LYPLAL1: variants seen among roughly 807,000 people sequenced by gnomAD.
LYPLAL1 encodes the protein lysophospholipase like 1, also known as lysophospholipase-like protein 1.
Under a neutral mutation model 19.7 loss-of-function variants are expected in LYPLAL1, and 23 were observed. The ratio of observed to expected loss-of-function variants is 1.17; its 90% CI spans 0.84 to 1.65. The LOEUF is 1.65. Ranked by LOEUF, LYPLAL1 falls within the 40% of genes most tolerant of loss-of-function variation. The pLI, the probability that LYPLAL1 is intolerant of heterozygous loss-of-function variation, is 0.00. For missense variants in LYPLAL1, 355 were observed against 279.4 expected, an observed-to-expected ratio of 1.27 and a Z score of -1.93; for synonymous variants, 119 against 96.3, an observed-to-expected ratio of 1.24 and a Z score of -1.38.
the LYPLAL1 span, among the ~76,000 whole-genome samples, chr1:219,295,384 A>C: frequency 6.6e-6 from 1 of 152,140 alleles, no homozygotes; most frequent in African/African-American, 2.4e-5. Context: ...TGTCATTGTA[A>C]ATTTGTCTTG....
the LYPLAL1 span, among the ~76,000 whole-genome samples, chr1:219,227,390 A>G: frequency 6.6e-6 from 1 of 152,152 alleles, no homozygotes. Context: ...CCTGGCTAAT[A>G]TTTCTTAGTT....
At chr1:219,317,506 CA>C in the LYPLAL1 span, among the ~76,000 whole-genome samples, 1 of 151,324 alleles carries the variant, frequency 6.6e-6, no homozygotes, top group Admixed American at 6.6e-5. Flanking sequence ...TGTTCCCAAA[CA>C]AAAAAGGGCT....
intron 2 of LYPLAL1, among the ~76,000 whole-genome samples, chr1:219,192,001 A>G (rs888070782): frequency 2.2e-4 from 33 of 151,584 alleles, no homozygotes; most frequent in African/African-American, 7.7e-4. Flanking sequence ...TATAACCTTG[A>G]CGTTCAAGCC....
chr1:219,417,762 G>C, the LYPLAL1 span, among the ~76,000 whole-genome samples: 1 of 152,202 alleles, frequency 6.6e-6, no homozygotes, highest in Non-Finnish European at 1.5e-5. Context: ...CCCATAATTG[G>C]AACAAGGGAA....
chr1:219,354,632 T>A, the LYPLAL1 span, among the ~76,000 whole-genome samples: 1 of 151,988 alleles, frequency 6.6e-6, no homozygotes, highest in Admixed American at 6.5e-5. Context: ...AAGAAAGAAA[T>A]GTAAAAAGTA....
chr1:219,438,137 A>C, the LYPLAL1 span, among the ~76,000 whole-genome samples: 1 of 152,204 alleles, frequency 6.6e-6, no homozygotes, highest in African/African-American at 2.4e-5. Flanking sequence ...GGCCCCTCAA[A>C]GAATTTAATT....
At chr1:219,202,670 G>T (rs1363109731) in intron 3 of LYPLAL1, among the ~76,000 whole-genome samples, 1 of 152,128 alleles carries the variant, frequency 6.6e-6, no homozygotes, top group Non-Finnish European at 1.5e-5. Context: ...CCCATAGTGA[G>T]GAATGAAGTT....
the LYPLAL1 span, among the ~76,000 whole-genome samples, chr1:219,269,502 G>C: frequency 6.6e-6 from 1 of 152,128 alleles, no homozygotes; most frequent in Admixed American, 6.5e-5. Flanking sequence ...TAAATAGGCA[G>C]GGACCAAAAA....
At chr1:219,201,277 G>A (rs1558238097) in intron 3 of LYPLAL1, among the ~76,000 whole-genome samples, 2 of 151,108 alleles carry the variant, frequency 1.3e-5, no homozygotes, top group South Asian at 2.1e-4. Flanking sequence ...TCATTAGAAC[G>A]TGGGTGAATA....
At chr1:219,321,017 C>G in the LYPLAL1 span, among the ~76,000 whole-genome samples, 1 of 152,208 alleles carries the variant, frequency 6.6e-6, no homozygotes, top group Non-Finnish European at 1.5e-5. Context: ...AATCACCACA[C>G]TGTCTTCCAC....
the LYPLAL1 span, among the ~76,000 whole-genome samples, chr1:219,381,837 T>A: frequency 6.6e-6 from 1 of 152,286 alleles, no homozygotes; most frequent in East Asian, 1.9e-4. Flanking sequence ...ATTCAACACA[T>A]GAAGAGGCCA....
chr1:219,408,838 C>A, the LYPLAL1 span, among the ~76,000 whole-genome samples: 1 of 152,144 alleles, frequency 6.6e-6, no homozygotes, highest in Non-Finnish European at 1.5e-5. Flanking sequence ...CAGGAGGATT[C>A]TCTTAGGGAA....
the LYPLAL1 span, among the ~76,000 whole-genome samples, chr1:219,391,424 T>C: frequency 6.6e-6 from 1 of 152,204 alleles, no homozygotes; most frequent in East Asian, 1.9e-4. Flanking sequence ...TGTCTAAATC[T>C]TCCTTGCTTT....
chr1:219,340,601 T>C, the LYPLAL1 span, among the ~76,000 whole-genome samples: 1 of 152,078 alleles, frequency 6.6e-6, no homozygotes, highest in African/African-American at 2.4e-5. Context: ...ATTTTACTGT[T>C]CTTCTCACTT....
At chr1:219,340,288 G>A in the LYPLAL1 span, among the ~76,000 whole-genome samples, 1 of 152,010 alleles carries the variant, frequency 6.6e-6, no homozygotes, top group South Asian at 2.1e-4. Flanking sequence ...GAAAGTCATA[G>A]AAGCAGGTCA....
chr1:219,258,515 C>G, the LYPLAL1 span, among the ~76,000 whole-genome samples: 2 of 151,992 alleles, frequency 1.3e-5, no homozygotes, highest in African/African-American at 4.8e-5. Flanking sequence ...ATACTATGCT[C>G]TTAAACGTAA....
the LYPLAL1 span, among the ~76,000 whole-genome samples, chr1:219,255,338 T>C: frequency 6.6e-6 from 1 of 152,084 alleles, no homozygotes; most frequent in African/African-American, 2.4e-5. Flanking sequence ...TCTTTCATTA[T>C]ATTAATTCAG....
chr1:219,242,646 C>A, the LYPLAL1 span, among the ~76,000 whole-genome samples: 2 of 151,442 alleles, frequency 1.3e-5, no homozygotes, highest in African/African-American at 2.4e-5. Flanking sequence ...TATGTAGTAG[C>A]CACAAAATTG....
chr1:219,238,122 C>CTT, the LYPLAL1 span, among the ~76,000 whole-genome samples: 26,615 of 103,830 alleles, frequency 0.26, 4,799 homozygotes, highest in Non-Finnish European at 0.28. Context: ...TGGATCTAAA[C>CTT]TTTTTTTTTT....
Sources: allele counts gnomAD v4.1 joint callset (sites outside exome capture counted in the v4.1 genomes callset), GRCh38; gene constraint gnomAD v4.1.1; transcripts MANE v1.5; gene names NCBI Gene and HGNC (gene_info 2026-07-23, HGNC 2026-07-21).